Variants in IRS1 observed in about 807,000 individuals in gnomAD.
The protein encoded by IRS1 is insulin receptor substrate 1.
In IRS1, 34 loss-of-function variants were observed where a neutral mutation model predicts 65.6. The observed-to-expected ratio is 0.52, with a 90% CI of 0.39 to 0.69. The LOEUF (loss-of-function observed/expected upper bound fraction) is 0.69. Ranked by LOEUF, IRS1 falls within the 30% of genes least tolerant of loss-of-function variation. The pLI is 0.00. For synonymous variants in IRS1, 699 were observed against 683.5 expected (o/e 1.02, Z -0.35); for missense variants, 1,641 against 1,720.2 (o/e 0.95, Z 0.81).
intron 1 of IRS1, among the ~76,000 whole-genome samples, chr2:226,761,216 A>C (rs1405150557): frequency 6.6e-6 from 1 of 152,228 alleles, no homozygotes; most frequent in Middle Eastern, 3.2e-3. Context: ...TCCAATTCTT[A>C]ACTATTGGTT....
At position 226,750,503 on chromosome 2, in the gene IRS1, G is replaced by A. The variant is rs555751608; in HGVS notation, c.*22-14253C>T. On this transcript the variant is annotated intron_variant, in intron 1 of 1. Coordinates refer to ENST00000305123, the MANE Select transcript of IRS1 (RefSeq NM_005544.3). Reference sequence around the variant, plus strand: ...AAAAATGGGGACTTCCACAGGTGAGGGGGGTAAACATACAGCAGTAAAAAA... The same window carrying A: ...AAAAATGGGGACTTCCACAGGTGAGAGGGGTAAACATACAGCAGTAAAAAA... 5.9e-5 allele frequency among the ~76,000 whole-genome samples: 9 copies of A among 152,198 alleles called. No homozygotes were observed. In the South Asian group the frequency reaches 8.3e-4, roughly 14 times the overall value.
Position 226,799,315 on chromosome 2 carries a change from G to T in IRS1, c.-577C>A, listed in dbSNP as rs1939840327. ...CCAACCGTCCCAGCCGCCACCAGCC[G>T]CCCAAATACCAGCTCAGTCGCAGAG... is the stretch of plus-strand genomic sequence containing the variant. On this transcript the variant is annotated 5_prime_UTR_variant, in exon 1 of 2. Coordinates refer to ENST00000305123, the MANE Select transcript of IRS1 (RefSeq NM_005544.3). This position sits in a 1 kb window ranked among gnomAD's most constrained non-coding sequence, Gnocchi z 6.1. 8.3e-7 allele frequency: 1 copy of T among 1,208,100 alleles called. No individual in the cohort carries two copies. The allele number at this position is 1,208,100 out of a possible 1,614,324, so 74.8% of individuals were successfully genotyped here.
intron 1 of IRS1, among the ~76,000 whole-genome samples, chr2:226,758,085 A>G (rs1459227558): frequency 1.3e-5 from 2 of 152,162 alleles, no homozygotes; most frequent in Non-Finnish European, 2.9e-5. Flanking sequence ...AGGCAGAGAC[A>G]AAAAAATGGA....
In IRS1 at chr2:226,735,589, C is replaced by T. The variant is rs13306464; in HGVS notation, c.*683G>A. 1.3e-5 allele frequency: 2 copies of T among 152,518 alleles called. No homozygotes were observed. The highest frequency in any genetic ancestry group is 2.9e-5 in the Non-Finnish European group (2 of 68,030). 9.4% of individuals were successfully genotyped at this position (152,518 alleles called of 1,614,324 possible). ...GCAAATATAACTATACAATTGAGAACCATCTATGGCACTATGATTCTTATA... is the reference window on the plus strand; with the variant it reads ...GCAAATATAACTATACAATTGAGAATCATCTATGGCACTATGATTCTTATA... On this transcript the variant is annotated 3_prime_UTR_variant, in exon 2 of 2. Transcript: ENST00000305123.
intron 1 of IRS1, among the ~76,000 whole-genome samples, chr2:226,766,129 A>ATATT (rs1939027987): frequency 2.7e-4 from 1 of 3,660 alleles, no homozygotes; most frequent in African/African-American, 9.1e-4. Context: ...TCTTATATAT[A>ATATT]TATATATATA....
Position 226,795,377 on chromosome 2 carries a change from G to A in IRS1, c.3362C>T (p.Ala1121Val), listed in dbSNP as rs143913301. 1.8e-4 allele frequency: 284 copies of A among 1,612,792 alleles called. 1 individual carries two copies. The highest frequency in any genetic ancestry group is 2.1e-4 in the Non-Finnish European group (246 of 1,179,952). Residue 1121 changes from alanine to valine, a missense_variant, in exon 1 of 2, where the codon GCG becomes GTG. Around this residue, in one of 3 missense-constraint regions of IRS1, gnomAD observed 1,324 missense variants for 1,361.0 expected, o/e 0.97. Transcript: ENST00000305123. ...GCCACCGCCCCCTACTGCTGCCCCC[G>A]CTCCAAAGGGCACTGTGTTGCCCAC... ...TRVGNTVPFG[A>V]GAAVGGGGGS...
chr2:226,785,042 A>G (rs1939461746), intron 1 of IRS1, among the ~76,000 whole-genome samples: 1 of 152,240 alleles, frequency 6.6e-6, no homozygotes, highest in Admixed American at 6.5e-5. Context: ...AGTCTTATGT[A>G]TAAAATAAAT....
intron 1 of IRS1, among the ~76,000 whole-genome samples, chr2:226,766,159 A>ATTTTTTTTTTTT (rs1433312154): frequency 1.7e-4 from 1 of 5,758 alleles, no homozygotes; most frequent in Non-Finnish European, 3.9e-4. Flanking sequence ...ATATATATAT[A>ATTTTTTTTTTTT]TATATTTTTT....
rs758878996 is a variant in IRS1 at position 226,797,175 on chromosome 2, G to T, written c.1564C>A (p.Arg522=). 2 of 1,613,946 alleles carry T rather than the reference G, an allele frequency of 1.2e-6. No homozygotes were observed. Among genetic ancestry groups the T allele is most frequent in the East Asian group, 4.5e-5 (2 of 44,862 alleles). ...ASAADLDNRF[R]KRTHSAGTSP... ...GTGCCTGCCGAGTGAGTTCTCTTTC[G>T]GAACCGATTATCCAGATCTGCAGCA... The change falls in exon 1 of 2, where the codon CGA becomes AGA. Residue 522 remains arginine (R), a synonymous_variant. Coordinates refer to ENST00000305123, the MANE Select transcript of IRS1 (RefSeq NM_005544.3). The surrounding 1 kb of genome is among the most constrained non-coding windows in gnomAD (Gnocchi z 8.1).
At chr2:226,737,781 G>T (rs145888491) in intron 1 of IRS1, among the ~76,000 whole-genome samples, 1 of 152,326 alleles carries the variant, frequency 6.6e-6, no homozygotes, top group Non-Finnish European at 1.5e-5. Flanking sequence ...GGAAGAAAAA[G>T]AATAATGTGG....
chr2:226,735,656 C>G lies in IRS1; in HGVS notation c.*616G>C, dbSNP rs1339369105. On this transcript the variant is annotated 3_prime_UTR_variant, in exon 2 of 2. Transcript: ENST00000305123. Reference sequence around the variant, plus strand: ...ACAATCTTAAAACAAGGATCATACCCTATTCTACTCTTTTAAGCCTTGTTT... The same window carrying G: ...ACAATCTTAAAACAAGGATCATACCGTATTCTACTCTTTTAAGCCTTGTTT... 2 of 152,592 alleles carry G rather than the reference C, an allele frequency of 1.3e-5. No homozygotes were observed. Among genetic ancestry groups the G allele is most frequent in the Admixed American group, 1.3e-4 (2 of 15,278 alleles). 9.5% of individuals were successfully genotyped at this position (152,592 alleles called of 1,614,324 possible).
intron 1 of IRS1, among the ~76,000 whole-genome samples, chr2:226,783,765 C>A (rs1410857479): frequency 6.6e-6 from 1 of 152,122 alleles, no homozygotes; most frequent in Non-Finnish European, 1.5e-5. Context: ...CTAATAGTAT[C>A]TCTATTTTAT....
chr2:226,781,346 G>C (rs1165210494), intron 1 of IRS1, among the ~76,000 whole-genome samples: 1 of 152,014 alleles, frequency 6.6e-6, no homozygotes. Flanking sequence ...CACAAAAAAG[G>C]AAAAGAAAAG....
Position 226,776,648 on chromosome 2 carries a change from T to C in IRS1, c.*21+18341A>G, listed in dbSNP as rs62190994. On this transcript the variant is annotated intron_variant, in intron 1 of 1. Transcript: ENST00000305123. The stretch of plus-strand genomic sequence containing the variant: ...TTGGTTGGGTGCTGTGGCTCATGCC[T>C]GCAATCCCAGCATTTTGGGAGGCCA... Among the ~76,000 whole-genome samples the C allele has an allele frequency of 4.3e-3, 653 of 152,312 alleles. 3 individuals carry two copies. The highest frequency in any genetic ancestry group is 0.037 in the Middle Eastern group (11 of 294).
chr2:226,793,297 T>G (rs181673101), intron 1 of IRS1, among the ~76,000 whole-genome samples: 316 of 152,348 alleles, frequency 2.1e-3, no homozygotes, highest in African/African-American at 7.4e-3. Flanking sequence ...CTGGGCTGGT[T>G]TTCTTCAAAT....
In IRS1 at chr2:226,797,216, C is replaced by T; in HGVS notation, c.1523G>A (p.Gly508Glu). Residue 508 changes from glycine (G) to glutamate (E), a missense_variant, in exon 1 of 2, where the codon GGG (glycine) becomes GAG (glutamate). Around this residue, in one of 3 missense-constraint regions of IRS1, gnomAD observed 1,324 missense variants for 1,361.0 expected, o/e 0.97. Transcript: ENST00000305123. This position sits in a 1 kb window ranked among gnomAD's most constrained non-coding sequence, Gnocchi z 8.1. ...ATCTGCAGCACTGGCTGCTTCATCC[C>T]CAGCCAAGGCTGGACTCGTGCCCAA... The part of the protein sequence containing the change: ...TGLGTSPALA[G>E]DEAASAADLD... 6.2e-7 allele frequency: 1 copy of T among 1,613,666 alleles called. No homozygotes were observed. The highest frequency in any genetic ancestry group is 1.1e-5 in the South Asian group (1 of 91,078).
chr2:226,786,021 G>A (rs149684829), intron 1 of IRS1, among the ~76,000 whole-genome samples: 14,128 of 139,616 alleles, frequency 0.1, 1,043 homozygotes, highest in East Asian at 0.17. Flanking sequence ...GCGATAGTTT[G>A]CTGAGAATGA....
intron 1 of IRS1, among the ~76,000 whole-genome samples, chr2:226,737,026 T>C (rs1311818982): frequency 6.6e-6 from 1 of 151,910 alleles, no homozygotes; most frequent in Non-Finnish European, 1.5e-5. Flanking sequence ...TGTGCCATGC[T>C]GGTGTGCTGC....
intron 1 of IRS1, among the ~76,000 whole-genome samples, chr2:226,778,380 A>C (rs1328375799): frequency 2.0e-5 from 3 of 152,164 alleles, no homozygotes; most frequent in Non-Finnish European, 4.4e-5. Flanking sequence ...GCAACCTTAA[A>C]ATTGTGAGAT....
Sources: gnomAD v4.1 joint callset for allele counts (sites outside exome capture counted in the v4.1 genomes callset) on GRCh38, gnomAD v4.1.1 for gene constraint, gnomAD v4.1.1 regional missense constraint, Gnocchi (gnomAD v3.1) non-coding constraint, MANE v1.5 for transcripts, NCBI Gene and HGNC (gene_info 2026-07-23, HGNC 2026-07-21) for gene names.